Variants in SCHIP1 observed in about 807,000 individuals in gnomAD.
The protein encoded by SCHIP1 is schwannomin interacting protein 1.
SCHIP1 carries 8 observed loss-of-function variants against 29.7 expected under a neutral mutation model. The observed-to-expected ratio is 0.27, with a 90% CI of 0.16 to 0.49. The LOEUF is 0.49. Among genes scored for constraint, SCHIP1 ranks in the 20% least tolerant of loss-of-function variants. SCHIP1 has a pLI of 0.99. For synonymous variants in SCHIP1, 76 were observed against 94.9 expected (o/e 0.80, Z 1.16); for missense variants, 193 against 294.6 (o/e 0.66, Z 2.52).
chr3:159,550,058 C>A, the SCHIP1 span, among the ~76,000 whole-genome samples: 175 of 147,898 alleles, frequency 1.2e-3, no homozygotes, highest in Admixed American at 2.5e-3. Flanking sequence ...CTGTTTTTCT[C>A]TTATCTTAAG....
chr3:159,686,730 GAGTCCTTAT>G, the SCHIP1 span, among the ~76,000 whole-genome samples: 1 of 152,100 alleles, frequency 6.6e-6, no homozygotes, highest in Non-Finnish European at 1.5e-5. Context: ...CTTAGCTCCT[GAGTCCTTAT>G]TTCTGCTGAT....
At chr3:159,573,686 T>A in the SCHIP1 span, among the ~76,000 whole-genome samples, 2 of 152,220 alleles carry the variant, frequency 1.3e-5, no homozygotes, top group African/African-American at 4.8e-5. Flanking sequence ...TTCTGCTGGA[T>A]ACTATCCTGC....
the SCHIP1 span, among the ~76,000 whole-genome samples, chr3:159,566,213 C>T: frequency 9.4e-4 from 143 of 152,306 alleles, no homozygotes; most frequent in African/African-American, 3.2e-3. Context: ...AAGTTCCTCA[C>T]CTCTCTGTGT....
At chr3:159,871,244 A>G (rs969102163) in intron 2 of SCHIP1, among the ~76,000 whole-genome samples, 1 of 151,108 alleles carries the variant, frequency 6.6e-6, no homozygotes, top group East Asian at 2.0e-4. Context: ...GCTAGTTGGC[A>G]TGCATCATCT....
At chr3:159,643,273 T>C in the SCHIP1 span, among the ~76,000 whole-genome samples, 1 of 152,058 alleles carries the variant, frequency 6.6e-6, no homozygotes, top group Non-Finnish European at 1.5e-5. Flanking sequence ...CTCAATGAGG[T>C]AGAATTTGTT....
chr3:159,876,351 G>A (rs979855485), intron 2 of SCHIP1, among the ~76,000 whole-genome samples: 1 of 152,316 alleles, frequency 6.6e-6, no homozygotes, highest in Admixed American at 6.5e-5. Flanking sequence ...AGAGGGTCTG[G>A]CTTGGAATCT....
At chr3:159,315,393 C>CTTT in the SCHIP1 span, among the ~76,000 whole-genome samples, 32 of 136,312 alleles carry the variant, frequency 2.3e-4, no homozygotes, top group Non-Finnish European at 3.7e-4. Flanking sequence ...TATTTTCTTT[C>CTTT]TTTTTTTTTT....
At chr3:159,664,513 AT>A in the SCHIP1 span, among the ~76,000 whole-genome samples, 5 of 152,086 alleles carry the variant, frequency 3.3e-5, no homozygotes, top group Middle Eastern at 3.2e-3. Flanking sequence ...TAATAAAAAA[AT>A]GTTGTAAAAG....
At chr3:159,504,627 C>A in the SCHIP1 span, among the ~76,000 whole-genome samples, 1 of 152,126 alleles carries the variant, frequency 6.6e-6, no homozygotes, top group Non-Finnish European at 1.5e-5. Flanking sequence ...CCATTAGACT[C>A]TAAGCTCCTT....
chr3:159,671,008 C>A, the SCHIP1 span, among the ~76,000 whole-genome samples: 2 of 152,056 alleles, frequency 1.3e-5, no homozygotes, highest in Non-Finnish European at 2.9e-5. Context: ...GCAATTAAAC[C>A]AAGTATAGGA....
the SCHIP1 span, among the ~76,000 whole-genome samples, chr3:159,425,849 A>G: frequency 6.6e-6 from 1 of 152,228 alleles, no homozygotes; most frequent in African/African-American, 2.4e-5. Context: ...TATCTCTCGG[A>G]CCACAGTGCA....
intron 5 of SCHIP1, among the ~76,000 whole-genome samples, chr3:159,890,687 A>C (rs187416694): frequency 1.1e-4 from 17 of 152,276 alleles, no homozygotes; most frequent in Admixed American, 5.9e-4. Flanking sequence ...TACCACTAAA[A>C]CATCTTCCTT....
At chr3:159,757,314 G>A in the SCHIP1 span, among the ~76,000 whole-genome samples, 1 of 152,316 alleles carries the variant, frequency 6.6e-6, no homozygotes, top group Non-Finnish European at 1.5e-5. Flanking sequence ...CAGGCAAAAA[G>A]AGACCTTGTG....
At chr3:159,500,037 C>T in the SCHIP1 span, among the ~76,000 whole-genome samples, 1 of 151,846 alleles carries the variant, frequency 6.6e-6, no homozygotes, top group Non-Finnish European at 1.5e-5. Flanking sequence ...CTTGCCAAGA[C>T]TCAAATAGTT....
At chr3:159,886,041 C>T (rs575507714) in intron 2 of SCHIP1, among the ~76,000 whole-genome samples, 166 bp from the exon 4 acceptor site, 2 of 152,342 alleles carry the variant, frequency 1.3e-5, no homozygotes, top group East Asian at 3.9e-4. Flanking sequence ...ATTGGAAAAT[C>T]CTCTACTAAG....
the SCHIP1 span, among the ~76,000 whole-genome samples, chr3:159,447,649 T>C: frequency 6.6e-6 from 1 of 152,206 alleles, no homozygotes; most frequent in Non-Finnish European, 1.5e-5. Context: ...CTTCTCATTA[T>C]GATACATTGT....
chr3:159,545,408 C>T, the SCHIP1 span, among the ~76,000 whole-genome samples: 1 of 151,790 alleles, frequency 6.6e-6, no homozygotes, highest in Non-Finnish European at 1.5e-5. Flanking sequence ...GCCTAGCCTC[C>T]CAGCCTACAT....
the SCHIP1 span, among the ~76,000 whole-genome samples, chr3:159,431,807 C>CAAA: frequency 4.8e-5 from 4 of 83,834 alleles, no homozygotes; most frequent in African/African-American, 1.3e-4. Context: ...GATTCCATCT[C>CAAA]AAAAAAAAAA....
intron 1 of SCHIP1, among the ~76,000 whole-genome samples, chr3:159,857,156 G>T (rs1324669722): frequency 6.6e-6 from 1 of 152,174 alleles, no homozygotes; most frequent in East Asian, 1.9e-4. Flanking sequence ...CTGGCTCGTG[G>T]TTCAGGTTTC....
Sources: allele counts gnomAD v4.1 joint callset (sites outside exome capture counted in the v4.1 genomes callset), GRCh38; gene constraint gnomAD v4.1.1; transcripts MANE v1.5; gene names NCBI Gene and HGNC (gene_info 2026-07-23, HGNC 2026-07-21).